CXADR: variants seen among roughly 807,000 people sequenced by gnomAD.
The protein encoded by CXADR is coxsackievirus and adenovirus receptor.
Under a neutral mutation model 40.3 loss-of-function variants are expected in CXADR, and 20 were observed. The ratio of observed to expected loss-of-function variants is 0.50; its 90% CI spans 0.35 to 0.72. CXADR has a LOEUF of 0.72. Ranked by LOEUF, CXADR falls within the 30% of genes least tolerant of loss-of-function variation. The pLI is 0.01. For missense variants in CXADR, 332 were observed against 449.1 expected, an observed-to-expected ratio of 0.74 and a Z score of 2.36; for synonymous variants, 150 against 161.3, an observed-to-expected ratio of 0.93 and a Z score of 0.53.
At position 17,545,076 on chromosome 21, in the gene CXADR, T is replaced by TG. The variant is rs1204288315; in HGVS notation, c.44-1951_44-1950insG. Among the ~76,000 whole-genome samples, 7 of 83,706 alleles carry TG rather than the reference T, an allele frequency of 8.4e-5. 1 individual carries two copies. Among genetic ancestry groups the TG allele is most frequent in the Non-Finnish European group, 1.7e-4 (7 of 41,780 alleles). 54.9% of individuals were successfully genotyped at this position (83,706 alleles called of 152,430 possible). On this transcript the variant is annotated intron_variant, in intron 1 of 6. Coordinates refer to ENST00000284878, the MANE Select transcript of CXADR (RefSeq NM_001338.5). The stretch of plus-strand genomic sequence containing the variant: ...CTCCTAATTTTGCTCTAATGTGTTT[T>TG]TTTTTTTTTTTTTTTTTTTTTGGTG...
chr21:17,592,659 T>G (rs1029211897), intron 7 of CXADR, among the ~76,000 whole-genome samples: 1 of 151,644 alleles, frequency 6.6e-6, no homozygotes, highest in African/African-American at 2.4e-5. Flanking sequence ...TTCAATAACT[T>G]TGGTTAAAAA....
the CXADR span, among the ~76,000 whole-genome samples, chr21:17,632,001 G>A: frequency 6.6e-6 from 1 of 152,068 alleles, no homozygotes; most frequent in African/African-American, 2.4e-5. Flanking sequence ...TGTAGATACA[G>A]GATTTTATCA....
rs891647344 is a variant in CXADR at position 17,527,794 on chromosome 21, T to A, written c.43+14622T>A. 1.3e-4 allele frequency among the ~76,000 whole-genome samples: 19 copies of A among 151,544 alleles called. 1 individual carries two copies. In the South Asian group the frequency reaches 3.1e-3, roughly 25 times the overall value. Reference sequence around the variant, plus strand: ...TATAGTTGCTGCTCCTTTTTTATTTTTTTATTTTTATTTATTTATTTATTT... The same window carrying A: ...TATAGTTGCTGCTCCTTTTTTATTTATTTATTTTTATTTATTTATTTATTT... On this transcript the variant is annotated intron_variant, in intron 1 of 6. Coordinates refer to ENST00000284878, the MANE Select transcript of CXADR (RefSeq NM_001338.5).
At chr21:17,577,938 C>T (rs1221817108) in intron 7 of CXADR, among the ~76,000 whole-genome samples, 1 of 151,954 alleles carries the variant, frequency 6.6e-6, no homozygotes, top group Non-Finnish European at 1.5e-5. Flanking sequence ...AAAATGTCCT[C>T]CAGGTTCATT....
At chr21:17,579,071 G>A (rs1403672758) in intron 7 of CXADR, among the ~76,000 whole-genome samples, 1 of 152,012 alleles carries the variant, frequency 6.6e-6, no homozygotes, top group African/African-American at 2.4e-5. Flanking sequence ...AAAGCAAGAC[G>A]GCACAGTAAC....
At chr21:17,628,698 T>G in the CXADR span, among the ~76,000 whole-genome samples, 1 of 152,172 alleles carries the variant, frequency 6.6e-6, no homozygotes, top group African/African-American at 2.4e-5. Context: ...AGATGGTGTT[T>G]CACCATGTTG....
intron 5 of CXADR, 139 bp from the exon 6 acceptor site, chr21:17,561,199 T>C: frequency 1.8e-6 from 1 of 568,666 alleles, no homozygotes; most frequent in East Asian, 3.2e-5. Context: ...TATGAATTTT[T>C]CCCCCGGATC....
downstream of CXADR, chr21:17,593,962 C>T: frequency 9.3e-7 from 1 of 1,076,640 alleles, no homozygotes; most frequent in Non-Finnish European, 1.3e-6. Context: ...TCAATAACTT[C>T]TATAAAAATA....
intron 7 of CXADR, among the ~76,000 whole-genome samples, chr21:17,581,428 A>C (rs895536823): frequency 6.6e-6 from 1 of 152,212 alleles, no homozygotes; most frequent in African/African-American, 2.4e-5. Flanking sequence ...TCCCCTGAAA[A>C]TCTTCACCAT....
At position 17,584,795 on chromosome 21, in the gene CXADR, C is replaced by T. The variant is rs531582348; in HGVS notation, c.1018-8357C>T. ...GCAGTGAGCCGAGATTGCACCACTG[C>T]GCTCCACCACAGAGAGAGACTCCGT... is the stretch of plus-strand genomic sequence containing the variant. On this transcript the variant is annotated intron_variant, in intron 7 of 7. Transcript: ENST00000400169. Among the ~76,000 whole-genome samples, 26 of 152,238 alleles carry T rather than the reference C, an allele frequency of 1.7e-4. No individual in the cohort carries two copies. In the South Asian group the frequency reaches 4.4e-3, roughly 26 times the overall value.
downstream of CXADR, among the ~76,000 whole-genome samples, chr21:17,570,883 G>A (rs946605913): frequency 6.6e-6 from 1 of 152,152 alleles, no homozygotes; most frequent in Non-Finnish European, 1.5e-5. Context: ...TTATACTAGG[G>A]TTTCTCAACC....
At chr21:17,597,013 A>C (rs2061512982), downstream of CXADR, among the ~76,000 whole-genome samples, 1 of 152,098 alleles carries the variant, frequency 6.6e-6, no homozygotes, top group African/African-American at 2.4e-5. Context: ...GAAAGAAGAA[A>C]ATCAAAGTGG....
intron 7 of CXADR, among the ~76,000 whole-genome samples, chr21:17,583,327 T>A (rs892492643): frequency 6.6e-6 from 1 of 152,146 alleles, no homozygotes; most frequent in Non-Finnish European, 1.5e-5. Flanking sequence ...GTGGTACAGT[T>A]AAGTGAAGAA....
At chr21:17,611,355 AC>A in the CXADR span, among the ~76,000 whole-genome samples, 28 of 152,334 alleles carry the variant, frequency 1.8e-4, no homozygotes, top group Non-Finnish European at 3.1e-4. Flanking sequence ...ACTATGTGCC[AC>A]ATATCTGAGT....
At chr21:17,618,991 G>A in the CXADR span, among the ~76,000 whole-genome samples, 1 of 152,124 alleles carries the variant, frequency 6.6e-6, no homozygotes, top group Non-Finnish European at 1.5e-5. Flanking sequence ...TTGTCAATGA[G>A]CAGTAATATT....
At chr21:17,543,928 A>C (rs949075950) in intron 1 of CXADR, among the ~76,000 whole-genome samples, 8 of 152,116 alleles carry the variant, frequency 5.3e-5, no homozygotes, top group African/African-American at 1.9e-4. Flanking sequence ...TTTGGGAGGC[A>C]AAGGCAGGAG....
chr21:17,541,557 CA>C lies in CXADR; in HGVS notation c.44-5460del, dbSNP rs946318424. ...CAGGCGTCAGAGCAAGACTCTGTCT[CA>C]AAAAAAAAATCCTATGTTCCACCTA... On this transcript the variant is annotated intron_variant, in intron 1 of 6. Coordinates refer to ENST00000284878, the MANE Select transcript of CXADR (RefSeq NM_001338.5). 1.3e-4 allele frequency among the ~76,000 whole-genome samples: 19 copies of C among 146,874 alleles called. No homozygotes were observed. In the East Asian group the frequency reaches 1.8e-3, roughly 14 times the overall value.
intron 1 of CXADR, among the ~76,000 whole-genome samples, chr21:17,519,973 G>GTA (rs1391786698): frequency 2.0e-5 from 3 of 149,664 alleles, no homozygotes; most frequent in Non-Finnish European, 2.9e-5. Flanking sequence ...TAAATTATAT[G>GTA]TATACACACA....
In CXADR at chr21:17,569,781, C is replaced by G; in HGVS notation, c.*4089C>G. On this transcript the variant is annotated 3_prime_UTR_variant, in exon 7 of 7. Coordinates refer to ENST00000284878, the MANE Select transcript of CXADR (RefSeq NM_001338.5). ...ATCGAGACTAAAAGCTCCATCAAAA[C>G]AGAACTTTGTGTTTTCTGCTAACTT... 4 of 985,184 alleles carry G rather than the reference C, an allele frequency of 4.1e-6. No homozygotes were observed. Among genetic ancestry groups the G allele is most frequent in the South Asian group, 4.7e-5 (1 of 21,282 alleles). 61.0% of individuals were successfully genotyped at this position (985,184 alleles called of 1,614,324 possible). A position where few individuals can be genotyped will look rare whatever the true frequency, so the allele number is the denominator to read the frequency against.
Sources: allele counts gnomAD v4.1 joint callset (sites outside exome capture counted in the v4.1 genomes callset), GRCh38; gene constraint gnomAD v4.1.1; transcripts MANE v1.5; gene names NCBI Gene and HGNC (gene_info 2026-07-23, HGNC 2026-07-21).